BTN2A1: variants seen among roughly 807,000 people sequenced by gnomAD.
BTN2A1 encodes butyrophilin subfamily 2 member A1.
A neutral mutation model predicts 34.5 loss-of-function variants in BTN2A1; 41 were observed. The ratio of observed to expected loss-of-function variants is 1.19; its 90% CI spans 0.93 to 1.54. The LOEUF (loss-of-function observed/expected upper bound fraction) is 1.54, where lower values mean the gene tolerates loss of function less well. BTN2A1 is among the 40% of genes most tolerant of loss of function. The pLI is 0.00. For synonymous variants in BTN2A1, 267 were observed against 258.6 expected (o/e 1.03, Z -0.31); for missense variants, 642 against 662.0 (o/e 0.97, Z 0.33).
intron 2 of BTN2A1, among the ~76,000 whole-genome samples, chr6:26,459,247 G>T (rs1033568885): frequency 1.3e-5 from 2 of 152,138 alleles, no homozygotes; most frequent in Admixed American, 1.3e-4. Flanking sequence ...TGGACAGAGG[G>T]TGCTCAGGGC....
rs554227538 is a variant in BTN2A1 at position 26,458,677 on chromosome 6, CCCT to C, written c.58_60del (p.Leu20del). 159 of 1,578,460 alleles carry C rather than the reference CCCT, an allele frequency of 1.0e-4. No individual in the cohort carries two copies. Among genetic ancestry groups the C allele is most frequent in the Middle Eastern group, 5.1e-4 (3 of 5,914 alleles). On this transcript the variant is annotated inframe_deletion, in exon 2 of 8. Coordinates refer to ENST00000312541, the MANE Select transcript of BTN2A1 (RefSeq NM_007049.5). ...GCCCTGCACTTCTCCCGGCCAGCCT[CCCT>C]CCTCCTCCTCCTCCTCAGCCTGTGT... is the stretch of plus-strand genomic sequence containing the variant.
chr6:26,476,464 T>G, exon 8 of BTN2A1: 1 of 606,936 alleles, frequency 1.6e-6, no homozygotes, highest in Non-Finnish European at 3.1e-6. Flanking sequence ...GATAGGTCTC[T>G]CTCTCTGGCC....
chr6:26,465,995 C>A, intron 6 of BTN2A1, 22 bp downstream of exon 6: 1 of 1,614,234 alleles, frequency 6.2e-7, no homozygotes, highest in Non-Finnish European at 8.5e-7. Context: ...CTTTCCTTAA[C>A]TACATGTACA....
chr6:26,463,934 A>G (rs1763242807), intron 4 of BTN2A1, among the ~76,000 whole-genome samples: 1 of 151,978 alleles, frequency 6.6e-6, no homozygotes, highest in Non-Finnish European at 1.5e-5. Context: ...CCCGAAGGCT[A>G]GGACTACAGG....
intron 7 of BTN2A1, among the ~76,000 whole-genome samples, chr6:26,467,544 T>G (rs1000478944): frequency 6.6e-6 from 1 of 152,174 alleles, no homozygotes; most frequent in Non-Finnish European, 1.5e-5. Context: ...ACTCCTGACC[T>G]CAGGTGATCC....
intron 7 of BTN2A1, 74 bp from the exon 8 acceptor site, chr6:26,467,874 C>T: frequency 6.4e-7 from 1 of 1,570,366 alleles, no homozygotes; most frequent in Non-Finnish European, 8.6e-7. Context: ...TCTGAGACCT[C>T]TCTGGGGATC....
At chr6:26,459,273 T>C (rs1255774374) in intron 2 of BTN2A1, among the ~76,000 whole-genome samples, 2 of 152,142 alleles carry the variant, frequency 1.3e-5, no homozygotes, top group Non-Finnish European at 2.9e-5. Context: ...CCTCAGGGTT[T>C]CCTTCATGAA....
downstream of BTN2A1, among the ~76,000 whole-genome samples, chr6:26,472,152 C>T (rs1035942689): frequency 1.3e-5 from 2 of 151,986 alleles, no homozygotes; most frequent in African/African-American, 2.4e-5. Context: ...TCAATGTTGC[C>T]TCATGGTCAC....
chr6:26,466,162 A>G, intron 7 of BTN2A1, 74 bp downstream of exon 7: 4 of 1,611,086 alleles, frequency 2.5e-6, no homozygotes, highest in Non-Finnish European at 3.4e-6. Flanking sequence ...CTTAGAGGAG[A>G]TGAGCAAGGG....
intron 7 of BTN2A1, among the ~76,000 whole-genome samples, chr6:26,467,425 C>T (rs1301819693): frequency 6.6e-6 from 1 of 152,162 alleles, no homozygotes. Flanking sequence ...AATTCTCGTG[C>T]CTCAGCCTCC....
chr6:26,460,727 G>A lies in BTN2A1; in HGVS notation c.430+899G>A, dbSNP rs147344839. On this transcript the variant is annotated intron_variant, in intron 3 of 7. Transcript: ENST00000312541. ...GTTCGAGACCAGCCTGGCCAGCATGGTGCAACCCCATCTCTACTAAAAATA... is the reference window on the plus strand; with the variant it reads ...GTTCGAGACCAGCCTGGCCAGCATGATGCAACCCCATCTCTACTAAAAATA... Among the ~76,000 whole-genome samples the A allele has an allele frequency of 3.8e-3, 579 of 152,190 alleles. 4 individuals carry two copies. The highest frequency in any genetic ancestry group is 6.3e-3 in the Non-Finnish European group (427 of 68,002).
In BTN2A1 at chr6:26,469,371, C is replaced by A; in HGVS notation, c.*822C>A. The A allele has an allele frequency of 1.0e-6, 1 of 978,410 alleles. No homozygotes were observed. The highest frequency in any genetic ancestry group is 1.2e-6 in the Non-Finnish European group (1 of 823,568). 60.6% of individuals were successfully genotyped at this position (978,410 alleles called of 1,614,324 possible). ...TTCCTGGTTTCATGATATCTTGAGA[C>A]GCCTTACAAATGATGGAGGATTCCA... On this transcript the variant is annotated 3_prime_UTR_variant, in exon 8 of 8. Transcript: ENST00000312541.
At chr6:26,460,888 C>T (rs543853661) in intron 3 of BTN2A1, among the ~76,000 whole-genome samples, 4 of 152,112 alleles carry the variant, frequency 2.6e-5, no homozygotes, top group Non-Finnish European at 4.4e-5. Context: ...CCAGCCTGGG[C>T]GACAGAGCAA....
chr6:26,472,251 CT>C (rs2113870923), downstream of BTN2A1, among the ~76,000 whole-genome samples: 1 of 152,250 alleles, frequency 6.6e-6, no homozygotes, highest in Non-Finnish European at 1.5e-5. Context: ...CTGTTTTAGC[CT>C]CCCCTTAAAT....
At chr6:26,465,778 TG>T (rs1763296014) in intron 5 of BTN2A1, 174 bp from the exon 6 acceptor site, 1 of 980,036 alleles carries the variant, frequency 1.0e-6, no homozygotes, top group Non-Finnish European at 1.2e-6. Context: ...AACAATGTGC[TG>T]GTACTACCCA....
At position 26,468,462 on chromosome 6, in the gene BTN2A1, C is replaced by T. The variant is rs757422658; in HGVS notation, c.1497C>T (p.Ile499=). 1 of 1,614,064 alleles carries T rather than the reference C, an allele frequency of 6.2e-7. No individual in the cohort carries two copies. The highest frequency in any genetic ancestry group is 8.5e-7 in the Non-Finnish European group (1 of 1,180,036). ...GGTGTGAGGACAGCCCCATCTTCAT[C>T]TGCCCTGCACTCACAGGAGCCAATG... ...RLGCEDSPIF[I]CPALTGANGV... Residue 499 remains isoleucine, a synonymous_variant, in exon 8 of 8, where the codon ATC becomes ATT. Transcript: ENST00000312541.
intron 4 of BTN2A1, among the ~76,000 whole-genome samples, chr6:26,463,823 A>G (rs774414807): frequency 6.6e-6 from 1 of 151,716 alleles, no homozygotes; most frequent in Non-Finnish European, 1.5e-5. Context: ...TTTTTTTAAG[A>G]CAAGTTCTTG....
At chr6:26,473,351 A>G (rs1763482813), downstream of BTN2A1, among the ~76,000 whole-genome samples, 1 of 152,248 alleles carries the variant, frequency 6.6e-6, no homozygotes, top group African/African-American at 2.4e-5. Flanking sequence ...TATGGCACAA[A>G]TAAGGAGCAA....
rs770608436 is a variant in BTN2A1 at position 26,459,774 on chromosome 6, T to TA, written c.377dup (p.Tyr126Ter). ...TAQENGTYRC[Y>*]FQEGRSYDEA... ...CCAGGAAAACGGCACCTACCGCTGT[T>TA]ACTTCCAAGAAGGCAGGTCCTACGA... The change falls in exon 3 of 8, where the codon TAC (tyrosine) becomes TAAC (stop). Residue 126 changes from tyrosine to a stop codon, truncating the protein, a stop_gained and frameshift_variant. Transcript: ENST00000312541. LOFTEE classifies it high-confidence loss of function. 6.2e-7 allele frequency: 1 copy of TA among 1,614,134 alleles called. No individual in the cohort carries two copies. Among genetic ancestry groups the TA allele is most frequent in the Non-Finnish European group, 8.5e-7 (1 of 1,180,002 alleles).
Sources: gnomAD v4.1 joint callset for allele counts (sites outside exome capture counted in the v4.1 genomes callset) on GRCh38, gnomAD v4.1.1 for gene constraint, MANE v1.5 for transcripts, NCBI Gene and HGNC (gene_info 2026-07-23, HGNC 2026-07-21) for gene names.